LRRC28: variants seen among roughly 807,000 people sequenced by gnomAD.
LRRC28 encodes the protein leucine-rich repeat-containing protein 28.
A neutral mutation model predicts 45.7 loss-of-function variants in LRRC28; 39 were observed. The ratio of observed to expected loss-of-function variants is 0.85; its 90% CI spans 0.66 to 1.12. LRRC28 has a LOEUF of 1.12. Among genes scored for constraint, LRRC28 ranks in the 50% most tolerant of loss-of-function variants. LRRC28 has a pLI of 0.00. For missense variants in LRRC28, 435 were observed against 438.5 expected (o/e 0.99, Z 0.07); for synonymous variants, 206 against 178.8 (o/e 1.15, Z -1.22).
At chr15:99,316,004 T>C (rs1331998897) in intron 5 of LRRC28, among the ~76,000 whole-genome samples, 2 of 152,212 alleles carry the variant, frequency 1.3e-5, no homozygotes, top group Non-Finnish European at 2.9e-5. Flanking sequence ...ATCATACATT[T>C]TAAAAAGTTG....
chr15:99,352,065 A>C (rs1447308703), intron 6 of LRRC28, among the ~76,000 whole-genome samples: 1 of 152,188 alleles, frequency 6.6e-6, no homozygotes, highest in African/African-American at 2.4e-5. Context: ...ATCCCAAGTG[A>C]GGGGTTCTTG....
At chr15:99,331,031 A>T (rs73473399) in intron 5 of LRRC28, among the ~76,000 whole-genome samples, 4,389 of 152,124 alleles carry the variant, frequency 0.029, 222 homozygotes, top group African/African-American at 0.1. Flanking sequence ...GGTTTTTATC[A>T]AGCTTCTTAA....
At chr15:99,307,276 A>G (rs779450916) in intron 5 of LRRC28, among the ~76,000 whole-genome samples, 2 of 152,222 alleles carry the variant, frequency 1.3e-5, no homozygotes, top group African/African-American at 2.4e-5. Context: ...CACTGGCTAC[A>G]GTGCAGAACA....
At chr15:99,377,862 G>T (rs1316194757) in intron 9 of LRRC28, among the ~76,000 whole-genome samples, 1 of 152,104 alleles carries the variant, frequency 6.6e-6, no homozygotes. Flanking sequence ...TAGATGTGTG[G>T]CATTATTTCT....
At chr15:99,319,795 CATTTT>C (rs1202579906) in intron 5 of LRRC28, among the ~76,000 whole-genome samples, 1 of 151,418 alleles carries the variant, frequency 6.6e-6, no homozygotes, top group Non-Finnish European at 1.5e-5. Context: ...TGTTTGGGAA[CATTTT>C]ATTTTATTTT....
At chr15:99,315,912 A>G (rs549233266) in intron 5 of LRRC28, among the ~76,000 whole-genome samples, 1 of 152,334 alleles carries the variant, frequency 6.6e-6, no homozygotes, top group African/African-American at 2.4e-5. Context: ...AAAAAGAAAA[A>G]GAAACATTAT....
intron 3 of LRRC28, among the ~76,000 whole-genome samples, chr15:99,277,571 G>T (rs1597212372): frequency 6.6e-6 from 1 of 151,996 alleles, no homozygotes; most frequent in African/African-American, 2.4e-5. Flanking sequence ...TTTAAATTAT[G>T]CAAGTTTTCA....
intron 6 of LRRC28, among the ~76,000 whole-genome samples, chr15:99,334,402 AGTGTGT>A (rs57298947): frequency 0.065 from 9,398 of 144,644 alleles, 603 homozygotes; most frequent in African/African-American, 0.17. Context: ...GGAATTAAAG[AGTGTGT>A]GTGTGTGTGT....
intron 5 of LRRC28, among the ~76,000 whole-genome samples, chr15:99,322,318 T>C (rs569931080): frequency 1.3e-5 from 2 of 152,158 alleles, no homozygotes; most frequent in South Asian, 4.2e-4. Flanking sequence ...TCTGTGACAT[T>C]GGAGGGGGTG....
chr15:99,308,612 G>T (rs763602475), intron 5 of LRRC28, among the ~76,000 whole-genome samples: 43 of 152,172 alleles, frequency 2.8e-4, no homozygotes, highest in Non-Finnish European at 1.2e-4. Flanking sequence ...ATTTGAGGTT[G>T]CAGTGACCTA....
chr15:99,302,349 T>A (rs1955010896), intron 5 of LRRC28, among the ~76,000 whole-genome samples: 1 of 151,968 alleles, frequency 6.6e-6, no homozygotes, highest in African/African-American at 2.4e-5. Flanking sequence ...TTTTAAGCTA[T>A]TGATTTTCTT....
At chr15:99,303,392 A>T (rs1329612376) in intron 5 of LRRC28, among the ~76,000 whole-genome samples, 2 of 152,234 alleles carry the variant, frequency 1.3e-5, no homozygotes, top group African/African-American at 2.4e-5. Flanking sequence ...GATAATTTTC[A>T]TAAAAAAGCT....
At chr15:99,369,687 A>T (rs1957429348) in intron 9 of LRRC28, among the ~76,000 whole-genome samples, 1 of 152,236 alleles carries the variant, frequency 6.6e-6, no homozygotes, top group African/African-American at 2.4e-5. Context: ...TCTTTAAAAA[A>T]TGCCTTTACA....
intron 5 of LRRC28, among the ~76,000 whole-genome samples, chr15:99,301,342 T>C (rs561513797): frequency 6.6e-4 from 100 of 152,348 alleles, no homozygotes; most frequent in Admixed American, 1.3e-3. Flanking sequence ...TTACTAATAA[T>C]TTTATCTATT....
intron 7 of LRRC28, among the ~76,000 whole-genome samples, chr15:99,360,430 CTT>C: frequency 6.6e-6 from 1 of 152,148 alleles, no homozygotes; most frequent in Non-Finnish European, 1.5e-5. Flanking sequence ...TCTTGTTTTT[CTT>C]AATTTAAGTA....
At chr15:99,370,345 A>T (rs1597450558) in intron 9 of LRRC28, among the ~76,000 whole-genome samples, 1 of 152,352 alleles carries the variant, frequency 6.6e-6, no homozygotes, top group Middle Eastern at 3.4e-3. Context: ...ATTATGAACA[A>T]GGTACTTTCG....
At chr15:99,304,741 C>T (rs1207217103) in intron 5 of LRRC28, among the ~76,000 whole-genome samples, 1 of 152,040 alleles carries the variant, frequency 6.6e-6, no homozygotes, top group Non-Finnish European at 1.5e-5. Flanking sequence ...GCCACCGTGC[C>T]CAGCCTTATA....
At chr15:99,322,207 A>G (rs1179552201) in intron 5 of LRRC28, among the ~76,000 whole-genome samples, 1 of 152,166 alleles carries the variant, frequency 6.6e-6, no homozygotes, top group Non-Finnish European at 1.5e-5. Flanking sequence ...GTTGCTAGTA[A>G]GATGGTGTTA....
intron 2 of LRRC28, among the ~76,000 whole-genome samples, chr15:99,264,517 A>G (rs1381636888): frequency 6.6e-6 from 1 of 152,188 alleles, no homozygotes; most frequent in Non-Finnish European, 1.5e-5. Context: ...TGAGGTGGGG[A>G]CCGAGCAATA....
Sources: allele counts gnomAD v4.1 joint callset (sites outside exome capture counted in the v4.1 genomes callset), GRCh38; gene constraint gnomAD v4.1.1; transcripts MANE v1.5; gene names NCBI Gene and HGNC (gene_info 2026-07-23, HGNC 2026-07-21).